The following ABL2 variants were observed in gnomAD, a reference collection of about 807,000 sequenced individuals.
ABL2 encodes tyrosine-protein kinase ABL2.
In ABL2, 49 loss-of-function variants were observed where a neutral mutation model predicts 107.7. The ratio of observed to expected loss-of-function variants is 0.45; its 90% CI spans 0.36 to 0.58. The LOEUF (loss-of-function observed/expected upper bound fraction) is 0.58. ABL2 is among the 20% of genes least tolerant of loss of function. ABL2 has a pLI of 0.00. For missense variants in ABL2, 1,245 were observed against 1,457.0 expected (o/e 0.85, Z 2.37); for synonymous variants, 549 against 548.6 (o/e 1.00, Z -0.01).
chr1:179,154,245 T>G (rs1351056928), intron 1 of ABL2, among the ~76,000 whole-genome samples: 1 of 152,220 alleles, frequency 6.6e-6, no homozygotes, highest in Non-Finnish European at 1.5e-5. Flanking sequence ...TTTTCAAAGT[T>G]CAAATACTTC....
At chr1:179,110,770 C>T (rs780405853) in intron 10 of ABL2, 10 of 1,613,800 alleles carry the variant, frequency 6.2e-6, no homozygotes, top group South Asian at 4.4e-5. Context: ...ACTATGAATA[C>T]GTTGCTAGCA....
chr1:179,120,383 C>G (rs9727252), intron 5 of ABL2, 109 bp from the exon 6 acceptor site: 353,760 of 558,014 alleles, frequency 0.63, 113,027 homozygotes, highest in Middle Eastern at 0.76. Flanking sequence ...AAAGTAAAAA[C>G]TATCTTTTGA....
At position 179,109,355 on chromosome 1, in the gene ABL2, C is replaced by A. The variant is rs1453013815; in HGVS notation, c.1912G>T (p.Asp638Tyr). 8 of 1,613,994 alleles carry A rather than the reference C, an allele frequency of 5.0e-6. No homozygotes were observed. The African/African-American group carries it at 1.1e-4, about 22-fold the overall frequency. The change falls in exon 12 of 12, where the codon GAT becomes TAT. Residue 638 changes from aspartate to tyrosine, a missense_variant. Physicochemically the swap from Asp to Tyr is radical, Grantham distance 160. This residue lies in a region of ABL2 where 761 missense variants were observed against 766.4 expected (regional missense o/e 0.99). Transcript: ENST00000502732. ...CTGGTGAAGCATGTCTCTTTGGCAT[C>A]TTCCAAGAGGCTGCTGGGTGACTTG... is the stretch of plus-strand genomic sequence containing the variant. Reference protein sequence around the residue: ...RDKSPSSLLEDAKETCFTRDR... With the variant: ...RDKSPSSLLEYAKETCFTRDR...
rs181242261 is a variant in ABL2 at position 179,099,488 on chromosome 1, A to C, written c.*8230T>G. 201 of 222,440 alleles carry C rather than the reference A, an allele frequency of 9.0e-4. 1 individual carries two copies. The highest frequency in any genetic ancestry group is 4.3e-3 in the African/African-American group (194 of 44,868). 13.8% of individuals were successfully genotyped at this position (222,440 alleles called of 1,614,324 possible). ...AGTCAGACAACAGACGGAGAGAATT[A>C]AATTAGAAAAACAACTGAAAATATA... On this transcript the variant is annotated 3_prime_UTR_variant, in exon 12 of 12. Transcript: ENST00000502732.
chr1:179,213,603 T>C, intron 1 of ABL2, among the ~76,000 whole-genome samples: 1 of 151,990 alleles, frequency 6.6e-6, no homozygotes, highest in Admixed American at 6.6e-5. Context: ...TCCTGGCCAA[T>C]ACTTCTCAGT....
At chr1:179,114,434 A>G (rs1654418948) in intron 9 of ABL2, among the ~76,000 whole-genome samples, 2 of 152,206 alleles carry the variant, frequency 1.3e-5, no homozygotes, top group African/African-American at 4.8e-5. Flanking sequence ...GAAAAACAAC[A>G]ACACAAATAA....
chr1:179,195,984 G>A (rs1401256244), intron 1 of ABL2, among the ~76,000 whole-genome samples: 1 of 152,168 alleles, frequency 6.6e-6, no homozygotes, highest in Non-Finnish European at 1.5e-5. Flanking sequence ...TTATATGGTA[G>A]TGATGGATGG....
At chr1:179,157,881 A>C (rs765175758) in intron 1 of ABL2, among the ~76,000 whole-genome samples, 10 of 152,076 alleles carry the variant, frequency 6.6e-5, no homozygotes, top group East Asian at 1.9e-4. Flanking sequence ...AAATTACAGA[A>C]TCTTTAAGCA....
intron 1 of ABL2, among the ~76,000 whole-genome samples, chr1:179,171,295 T>G (rs891864024): frequency 6.6e-6 from 1 of 152,176 alleles, no homozygotes; most frequent in African/African-American, 2.4e-5. Context: ...GATTTTACTG[T>G]TAGCTAGATA....
chr1:179,101,377 C>CTTTTTTTTTTT lies in ABL2; in HGVS notation c.*6330_*6340dup, dbSNP rs71108091. On this transcript the variant is annotated 3_prime_UTR_variant, in exon 12 of 12. Coordinates refer to ENST00000502732, the MANE Select transcript of ABL2 (RefSeq NM_007314.4). The stretch of plus-strand genomic sequence containing the variant: ...ATATTGAGTCAGAAATGAAGGTATC[C>CTTTTTTTTTTT]TTTTTTTTTTTTTTCTTCTTAACGT... 6.0e-6 allele frequency: 1 copy of CTTTTTTTTTTT among 166,924 alleles called. No individual in the cohort carries two copies. 10.3% of individuals were successfully genotyped at this position (166,924 alleles called of 1,614,324 possible).
rs1659494971 is a variant in ABL2, at chr1:179,168,004, CAAATT to C, written c.158-34635_158-34631del. 2.6e-5 allele frequency among the ~76,000 whole-genome samples: 4 copies of C among 152,192 alleles called. No homozygotes were observed. The South Asian group carries it at 6.2e-4, about 24-fold the overall frequency. On this transcript the variant is annotated intron_variant, in intron 1 of 11. Coordinates refer to ENST00000502732, the MANE Select transcript of ABL2 (RefSeq NM_007314.4). ...AAAAACAAACAAACAACAACAACAACAAATTAAAAGAGAAATACAAATCCAAATAA... is the reference window on the plus strand; with the variant it reads ...AAAAACAAACAAACAACAACAACAACAAAAGAGAAATACAAATCCAAATAA...
At chr1:179,198,390 T>C (rs908529139) in intron 1 of ABL2, among the ~76,000 whole-genome samples, 14 of 151,988 alleles carry the variant, frequency 9.2e-5, no homozygotes, top group Admixed American at 3.9e-4. Context: ...GATTAAAAAG[T>C]TATTTTTAAA....
At chr1:179,209,597 A>T (rs893938574) in intron 1 of ABL2, among the ~76,000 whole-genome samples, 1 of 152,196 alleles carries the variant, frequency 6.6e-6, no homozygotes, top group African/African-American at 2.4e-5. Context: ...AACTTGTTTC[A>T]ACTACCCAAG....
chr1:179,110,822 T>C (rs771549406), intron 10 of ABL2: 2 of 1,613,986 alleles, frequency 1.2e-6, no homozygotes, highest in Admixed American at 1.7e-5. Context: ...GTTATGCACG[T>C]CTGATTGGCA....
intron 1 of ABL2, chr1:179,201,590 C>T (rs917131257): frequency 5.1e-6 from 2 of 394,032 alleles, no homozygotes; most frequent in Non-Finnish European, 9.4e-6. Context: ...GGGAACAGGG[C>T]TGGTTATTTC....
intron 1 of ABL2, among the ~76,000 whole-genome samples, chr1:179,212,070 G>A (rs1247831004): frequency 6.6e-6 from 1 of 152,144 alleles, no homozygotes; most frequent in Non-Finnish European, 1.5e-5. Flanking sequence ...TTGAAATCAT[G>A]GTGGAAGGCA....
At chr1:179,181,762 C>T (rs938513606) in intron 1 of ABL2, among the ~76,000 whole-genome samples, 9 of 151,800 alleles carry the variant, frequency 5.9e-5, no homozygotes, top group African/African-American at 2.2e-4. Flanking sequence ...TTTGAACTAT[C>T]TTTTTTTAAT....
intron 1 of ABL2, among the ~76,000 whole-genome samples, chr1:179,227,817 C>T (rs542294242): frequency 8.5e-5 from 13 of 152,190 alleles, no homozygotes; most frequent in African/African-American, 3.1e-4. Context: ...CTTTGGGAGG[C>T]TGTGGCGGGT....
At chr1:179,145,284 C>T (rs1271608204) in intron 1 of ABL2, among the ~76,000 whole-genome samples, 2 of 151,930 alleles carry the variant, frequency 1.3e-5, no homozygotes, top group Admixed American at 6.5e-5. Context: ...TGTACATCTA[C>T]GAATAGTTAA....
Sources: allele counts gnomAD v4.1 joint callset (sites outside exome capture counted in the v4.1 genomes callset), GRCh38; gene constraint gnomAD v4.1.1; regional missense constraint gnomAD v4.1.1; transcripts MANE v1.5; gene names NCBI Gene and HGNC (gene_info 2026-07-23, HGNC 2026-07-21).